G6PD: variants seen among roughly 807,000 people sequenced by gnomAD.
G6PD encodes glucose-6-phosphate 1-dehydrogenase.
Under a neutral mutation model 38.2 loss-of-function variants are expected in G6PD, and 2 were observed. The observed-to-expected ratio is 0.05, with a 90% CI of 0.02 to 0.16. The LOEUF is 0.16. Among genes scored for constraint, G6PD ranks in the 10% least tolerant of loss-of-function variants. The pLI is 1.00. For synonymous variants in G6PD, 188 were observed against 196.0 expected, an observed-to-expected ratio of 0.96 and a Z score of 0.34; for missense variants, 310 against 471.6, an observed-to-expected ratio of 0.66 and a Z score of 3.17.
chrX:154,537,389 G>A (rs148762746), intron 2 of G6PD, among the ~76,000 whole-genome samples: 27 of 112,003 alleles, frequency 2.4e-4, no homozygotes, highest in Middle Eastern at 4.6e-3. Context: ...AGGCCGAGGC[G>A]GATGGATTAC....
chrX:154,533,994 C>T, intron 7 of G6PD, 41 bp downstream of exon 7: 1 of 1,210,882 alleles, frequency 8.3e-7, no homozygotes, highest in Non-Finnish European at 1.1e-6. Flanking sequence ...CTGGCTCTGC[C>T]ACCCTGTGCC....
chrX:154,546,797 C>A lies in G6PD; in HGVS notation c.-17G>T, dbSNP rs1712737911. On this transcript the variant is annotated 5_prime_UTR_variant, in exon 1 of 13. Coordinates refer to ENST00000393562, the MANE Select transcript of G6PD (RefSeq NM_001360016.2). ...CCCGCCCGGCCGGTTACCTGCGCTT[C>A]GTCGTCGTCGCCCTCCGCGCTCGCA... 1.7e-6 allele frequency: 2 copies of A among 1,160,504 alleles called. No homozygotes were observed. Among genetic ancestry groups the A allele is most frequent in the Middle Eastern group, 2.3e-4 (1 of 4,289 alleles).
intron 2 of G6PD, among the ~76,000 whole-genome samples, chrX:154,538,843 C>T (rs1430381186): frequency 9.1e-6 from 1 of 109,361 alleles, no homozygotes; most frequent in African/African-American, 3.3e-5. Flanking sequence ...AGGAGAATCG[C>T]TTGAACCAGG....
intron 7 of G6PD, 116 bp downstream of exon 7, chrX:154,533,919 A>C: frequency 8.3e-7 from 1 of 1,203,350 alleles, no homozygotes; most frequent in Middle Eastern, 2.3e-4. Flanking sequence ...TCAGACACTT[A>C]GGTTTTGAAC....
chrX:154,547,531 C>G (rs1454863746), upstream of G6PD: 3 of 754,068 alleles, frequency 4.0e-6, no homozygotes, highest in African/African-American at 6.9e-5. Flanking sequence ...GGATGCGGCC[C>G]TACCGCGGCC....
chrX:154,546,955 C>A, upstream of G6PD: 4 of 377,381 alleles, frequency 1.1e-5, no homozygotes, highest in South Asian at 4.8e-4. Context: ...CGGCCACCAC[C>A]CCTCGTGCGG....
intron 10 of G6PD, 52 bp downstream of exon 10, chrX:154,532,515 C>A (rs1557229630): frequency 8.3e-7 from 1 of 1,203,101 alleles, no homozygotes; most frequent in Non-Finnish European, 1.1e-6. Context: ...CATGTGGAGT[C>A]CCCCGGGCCC....
At chrX:154,533,980 G>T (rs2070374586) in intron 7 of G6PD, 55 bp downstream of exon 7, 1 of 1,208,164 alleles carries the variant, frequency 8.3e-7, no homozygotes, top group Non-Finnish European at 1.1e-6. Flanking sequence ...GCCCTGCAGG[G>T]TGACTGGCTC....
chrX:154,533,875 A>G, intron 7 of G6PD, 160 bp downstream of exon 7: 1 of 1,199,126 alleles, frequency 8.3e-7, no homozygotes, highest in East Asian at 3.0e-5. Context: ...TTGGCTGTGT[A>G]GGGGTCCAGC....
At chrX:154,546,876 C>G (rs2070742871), upstream of G6PD, 3 of 1,069,987 alleles carry the variant, frequency 2.8e-6, no homozygotes, top group African/African-American at 3.9e-5. Context: ...CCCATTTAAT[C>G]GGCGGGGGCG....
intron 2 of G6PD, among the ~76,000 whole-genome samples, chrX:154,545,366 G>C (rs181963696): frequency 4.5e-5 from 5 of 111,918 alleles, no homozygotes; most frequent in African/African-American, 1.6e-4. Flanking sequence ...AAGAGGCAGA[G>C]ATCAGGCCTC....
chrX:154,546,091 T>C lies in G6PD; in HGVS notation c.65A>G (p.Gln22Arg), dbSNP rs2070704319. 2 of 1,210,112 alleles carry C rather than the reference T, an allele frequency of 1.7e-6. No individual in the cohort carries two copies. Among genetic ancestry groups the C allele is most frequent in the African/African-American group, 1.7e-5 (1 of 57,306 alleles). Residue 22 changes from glutamine (Q) to arginine (R), a missense_variant, in exon 2 of 13, where the codon CAG becomes CGG. By Grantham distance (43) the Gln-to-Arg change is conservative. Coordinates refer to ENST00000393562, the MANE Select transcript of G6PD (RefSeq NM_001360016.2). ...ATCCGACTGATGGAAGGCATCGCCCTGGAAAAGCTCTTCCCGCAGGATCCC... is the reference window on the plus strand; with the variant it reads ...ATCCGACTGATGGAAGGCATCGCCCCGGAAAAGCTCTTCCCGCAGGATCCC... The part of the protein sequence containing the change: ...VCGILREELF[Q>R]GDAFHQSDTH...
In G6PD at chrX:154,531,890, G is replaced by T; in HGVS notation, c.*110C>A. On this transcript the variant is annotated 3_prime_UTR_variant, in exon 13 of 13. Transcript: ENST00000393562. ...GGGCGGGCCAGGGTGGCCAGAGCCC[G>T]GGGCCAGGAATGTGCAGCTGAGGTC... is the stretch of plus-strand genomic sequence containing the variant. The T allele has an allele frequency of 8.9e-7, 1 of 1,119,387 alleles. No individual in the cohort carries two copies. The highest frequency in any genetic ancestry group is 3.3e-5 in the East Asian group (1 of 30,541). The allele number at this position is 1,119,387 out of a possible 1,213,427, so 92.3% of individuals were successfully genotyped here.
At chrX:154,534,517 C>T (rs782216197) in intron 5 of G6PD, 21 bp from the exon 6 acceptor site, 11 of 1,209,503 alleles carry the variant, frequency 9.1e-6, no homozygotes, top group Admixed American at 2.2e-5. Context: ...CCCGGAGCTG[C>T]GTTACCCCCT....
upstream of G6PD, chrX:154,546,935 G>T: frequency 1.9e-6 from 1 of 514,977 alleles, no homozygotes; most frequent in Non-Finnish European, 2.7e-6. Context: ...AGGCGTGCGG[G>T]GCGGGGCCTC....
chrX:154,545,952 G>A, intron 2 of G6PD, 84 bp downstream of exon 2: 1 of 1,138,776 alleles, frequency 8.8e-7, no homozygotes. Context: ...GAGCCTGTGG[G>A]GCCCTGCAAC....
At chrX:154,540,836 C>T (rs1332743701) in intron 2 of G6PD, among the ~76,000 whole-genome samples, 3 of 111,130 alleles carry the variant, frequency 2.7e-5, no homozygotes, top group African/African-American at 9.8e-5. Flanking sequence ...TGTGTGCTTG[C>T]GCTCTTCAGG....
In G6PD at chrX:154,533,628, A is replaced by G; in HGVS notation, c.812T>C (p.Val271Ala). The G allele has an allele frequency of 1.7e-6, 2 of 1,212,003 alleles. No individual in the cohort carries two copies. The highest frequency in any genetic ancestry group is 2.2e-6 in the Non-Finnish European group (2 of 895,527). Residue 271 changes from valine to alanine, a missense_variant, in exon 8 of 13, where the codon GTG becomes GCG. Val to Ala is a moderately conservative substitution (Grantham distance 64). Transcript: ENST00000393562. ...QNHLLQMLCLVAMEKPASTNS... is the reference protein window; with the variant it reads ...QNHLLQMLCLAAMEKPASTNS... ...GGTGGAGGCGGGCTTCTCCATGGCC[A>G]CCAGACACAGCATCTGCAGTAGGTG...
At chrX:154,534,546 G>A (rs1290877166) in intron 5 of G6PD, 50 bp from the exon 6 acceptor site, 3 of 1,195,832 alleles carry the variant, frequency 2.5e-6, no homozygotes, top group Non-Finnish European at 3.4e-6. Context: ...TCTTCGGGGA[G>A]TGAGGATCAG....
Sources: allele counts gnomAD v4.1 joint callset (sites outside exome capture counted in the v4.1 genomes callset), GRCh38; gene constraint gnomAD v4.1.1; transcripts MANE v1.5; gene names NCBI Gene and HGNC (gene_info 2026-07-23, HGNC 2026-07-21).